The following RFX7 variants were observed in gnomAD, a reference collection of about 807,000 sequenced individuals.
The protein encoded by RFX7 is DNA-binding protein RFX7.
In RFX7, 26 loss-of-function variants were observed where a neutral mutation model predicts 111.8. The ratio of observed to expected loss-of-function variants is 0.23; its 90% CI spans 0.17 to 0.32. The LOEUF is 0.32. RFX7 is among the 10% of genes least tolerant of loss of function. RFX7 has a pLI of 1.00. For synonymous variants in RFX7, 624 were observed against 624.4 expected (o/e 1.00, Z 0.01); for missense variants, 1,573 against 1,772.9 (o/e 0.89, Z 2.02).
At chr15:56,105,606 T>C (rs981976388) in intron 5 of RFX7, among the ~76,000 whole-genome samples, 2 of 152,150 alleles carry the variant, frequency 1.3e-5, no homozygotes, top group Admixed American at 6.5e-5. Context: ...ATATATCCAT[T>C]CTATTCTCCA....
Position 56,204,089 on chromosome 15 carries a change from T to G in RFX7, c.162-24786A>C, listed in dbSNP as rs1407847764. ...AGGCTGGAGTGCAGTGGCCCAATCGTGGCTCATTGTAACTTCTACCTCCCG... is the reference window on the plus strand; with the variant it reads ...AGGCTGGAGTGCAGTGGCCCAATCGGGGCTCATTGTAACTTCTACCTCCCG... On this transcript the variant is annotated intron_variant, in intron 2 of 9. Coordinates refer to ENST00000559447, the MANE Select transcript of RFX7 (RefSeq NM_022841.7). Among the ~76,000 whole-genome samples, 8 of 149,834 alleles carry G rather than the reference T, an allele frequency of 5.3e-5. No individual in the cohort carries two copies. The Admixed American group carries it at 5.4e-4, about 10-fold the overall frequency.
Position 56,091,150 on chromosome 15 carries a change from T to C in RFX7, c.*2195A>G, listed in dbSNP as rs2041591588. Reference sequence around the variant, plus strand: ...ACATGGTGAAGCAAACTAAACTTAATTCTTCCTGCTGTAATATTCTCATGT... The same window carrying C: ...ACATGGTGAAGCAAACTAAACTTAACTCTTCCTGCTGTAATATTCTCATGT... On this transcript the variant is annotated 3_prime_UTR_variant, in exon 10 of 10. Coordinates refer to ENST00000559447, the MANE Select transcript of RFX7 (RefSeq NM_022841.7). The C allele has an allele frequency of 2.6e-5, 4 of 152,704 alleles. No individual in the cohort carries two copies. The South Asian group carries it at 8.3e-4, about 32-fold the overall frequency. 9.5% of individuals were successfully genotyped at this position (152,704 alleles called of 1,614,324 possible). A position where few individuals can be genotyped will look rare whatever the true frequency, so the allele number is the denominator to read the frequency against.
At chr15:56,139,906 G>T (rs1282395065) in intron 5 of RFX7, among the ~76,000 whole-genome samples, 7 of 152,204 alleles carry the variant, frequency 4.6e-5, no homozygotes, top group Non-Finnish European at 1.0e-4. Context: ...CTGCTGGGGG[G>T]TGCCTCCCAG....
rs1168517342 is a variant in RFX7, at chr15:56,096,370, G to C, written c.1358C>G (p.Thr453Ser). 2 of 1,613,976 alleles carry C rather than the reference G, an allele frequency of 1.2e-6. No individual in the cohort carries two copies. The highest frequency in any genetic ancestry group is 1.7e-6 in the Non-Finnish European group (2 of 1,179,870). ...AACAGCAGTTTTGATGGGACTACTA[G>C]TAAAGAGGACAGTAGTTGGAGAGCG... ...TIRSPTTVLF[T>S]SSPIKTAVVP... Residue 453 changes from threonine to serine, a missense_variant, in exon 10 of 10, where the codon ACT becomes AGT. Coordinates refer to ENST00000559447, the MANE Select transcript of RFX7 (RefSeq NM_022841.7).
At position 56,142,880 on chromosome 15, in the gene RFX7, G is replaced by C. The variant is rs759805829; in HGVS notation, c.299C>G (p.Ser100Cys). Residue 100 changes from serine (S) to cysteine (C), a missense_variant, in exon 5 of 10, where the codon TCT becomes TGT. Around this residue, in one of 7 missense-constraint regions of RFX7, gnomAD observed 191 missense variants for 194.2 expected, o/e 0.98. Transcript: ENST00000559447. ...GGCATGCATTTGTTGTGCCCGACTA[G>C]ATGACATGGCATTCTGATCACTAAT... The part of the protein sequence containing the change: ...GEKSDQNAMS[S>C]SRAQQMHAFS... The C allele has an allele frequency of 1.1e-5, 17 of 1,613,488 alleles. No individual in the cohort carries two copies. In the African/African-American group the frequency reaches 2.1e-4, roughly 20 times the overall value.
intron 5 of RFX7, among the ~76,000 whole-genome samples, chr15:56,121,182 T>C (rs529124523): frequency 6.6e-6 from 1 of 152,378 alleles, no homozygotes. Context: ...CTGATGTTAA[T>C]GAAATCCCTA....
chr15:56,223,853 T>C (rs2043452266), intron 2 of RFX7, among the ~76,000 whole-genome samples: 1 of 152,122 alleles, frequency 6.6e-6, no homozygotes. Context: ...AACCCACATA[T>C]CAGTGGAGGT....
chr15:56,186,690 A>T (rs1349053228), intron 2 of RFX7, among the ~76,000 whole-genome samples: 1 of 151,366 alleles, frequency 6.6e-6, no homozygotes, highest in African/African-American at 2.4e-5. Context: ...TGTGTATAAT[A>T]AACACACATA....
chr15:56,152,848 T>C (rs537593582), intron 3 of RFX7, among the ~76,000 whole-genome samples: 3 of 147,240 alleles, frequency 2.0e-5, no homozygotes, highest in East Asian at 2.0e-4. Context: ...AAGAGTCAAA[T>C]AGACACAATA....
At position 56,098,214 on chromosome 15, in the gene RFX7, G is replaced by A. The variant is rs534910866; in HGVS notation, c.974C>T (p.Pro325Leu). The A allele has an allele frequency of 6.2e-6, 10 of 1,613,946 alleles. No homozygotes were observed. The African/African-American group carries it at 8.0e-5, about 13-fold the overall frequency. Reference sequence around the variant, plus strand: ...TGACTTTTTTGCTGCAGATTCTCCTGGCAAAGGGGATTGTAGTTTCTGTTC... The same window carrying A: ...TGACTTTTTTGCTGCAGATTCTCCTAGCAAAGGGGATTGTAGTTTCTGTTC... ...QQEQKLQSPL[P>L]GESAAKKSES... is the part of the protein sequence containing the mutation. Residue 325 changes from proline to leucine, a missense_variant, in exon 9 of 10, where the codon CCA becomes CTA. Physicochemically the swap from Pro to Leu is moderately conservative, Grantham distance 98. Transcript: ENST00000559447.
At chr15:56,176,560 C>G (rs1287666344) in intron 3 of RFX7, among the ~76,000 whole-genome samples, 3 of 152,034 alleles carry the variant, frequency 2.0e-5, no homozygotes, top group Non-Finnish European at 4.4e-5. Flanking sequence ...AACTGTAAAC[C>G]AGACATTCTA....
intron 5 of RFX7, among the ~76,000 whole-genome samples, chr15:56,111,929 A>G (rs556845370): frequency 6.6e-6 from 1 of 152,104 alleles, no homozygotes; most frequent in South Asian, 2.1e-4. Flanking sequence ...AGCCTGGCCA[A>G]TATTGTGAAA....
chr15:56,111,673 A>AC (rs1481878291), intron 5 of RFX7, among the ~76,000 whole-genome samples: 6 of 150,830 alleles, frequency 4.0e-5, no homozygotes, highest in Admixed American at 2.6e-4. Flanking sequence ...AAAAAAAAAA[A>AC]AAAAAAACCA....
chr15:56,163,890 C>A (rs570233222), intron 3 of RFX7, among the ~76,000 whole-genome samples: 1 of 152,136 alleles, frequency 6.6e-6, no homozygotes, highest in African/African-American at 2.4e-5. Flanking sequence ...GGGTCCCCAA[C>A]CCTGTAAAGA....
intron 5 of RFX7, among the ~76,000 whole-genome samples, chr15:56,110,226 A>C (rs2041899451): frequency 1.1e-5 from 1 of 94,502 alleles, no homozygotes; most frequent in African/African-American, 3.9e-5. Flanking sequence ...GGAAGTGAGG[A>C]GCCCCTCTGC....
chr15:56,116,199 G>C (rs1400329535), intron 5 of RFX7, among the ~76,000 whole-genome samples: 1 of 151,958 alleles, frequency 6.6e-6, no homozygotes, highest in South Asian at 2.1e-4. Context: ...TTGTATACAT[G>C]AAAACAAAAA....
At position 56,087,309 on chromosome 15, in the gene RFX7, C is replaced by A; in HGVS notation, c.*6036G>T. The A allele has an allele frequency of 2.7e-6, 1 of 373,828 alleles. No individual in the cohort carries two copies. The highest frequency in any genetic ancestry group is 5.3e-6 in the Non-Finnish European group (1 of 186,938). The allele number at this position is 373,828 out of a possible 1,614,324, so 23.2% of individuals were successfully genotyped here. A position where few individuals can be genotyped will look rare whatever the true frequency, so the allele number is the denominator to read the frequency against. On this transcript the variant is annotated 3_prime_UTR_variant, in exon 10 of 10. Transcript: ENST00000559447. ...AGTTAAACCAGAAAGACATTTATTT[C>A]TCTCATGTAAAACACATCCAGAGGT...
At position 56,095,873 on chromosome 15, in the gene RFX7, G is replaced by A; in HGVS notation, c.1855C>T (p.Gln619Ter). ...GCAACTGATAGAGTGATAGTGCTTT[G>A]ATTATTGCCTGTTGACGTGCCTGGC... ...MLPGTSTGNN[Q>*]STITLSVASQ... The change falls in exon 10 of 10, where the codon CAA becomes TAA. Residue 619 changes from glutamine (Q) to a stop codon, truncating the protein, a stop_gained. Transcript: ENST00000559447. LOFTEE classifies it high-confidence loss of function. 6.2e-7 allele frequency: 1 copy of A among 1,606,038 alleles called. No individual in the cohort carries two copies. The highest frequency in any genetic ancestry group is 8.5e-7 in the Non-Finnish European group (1 of 1,179,826).
At chr15:56,122,387 C>G (rs1223767267) in intron 5 of RFX7, among the ~76,000 whole-genome samples, 1 of 152,218 alleles carries the variant, frequency 6.6e-6, no homozygotes, top group Non-Finnish European at 1.5e-5. Context: ...AATGGAGTCT[C>G]TCCCTCTCTC....
Sources: allele counts gnomAD v4.1 joint callset (sites outside exome capture counted in the v4.1 genomes callset), GRCh38; gene constraint gnomAD v4.1.1; regional missense constraint gnomAD v4.1.1; transcripts MANE v1.5; gene names NCBI Gene and HGNC (gene_info 2026-07-23, HGNC 2026-07-21).